PDZRN3: variants seen among roughly 807,000 people sequenced by gnomAD.
The protein encoded by PDZRN3 is E3 ubiquitin-protein ligase PDZRN3.
PDZRN3 carries 38 observed loss-of-function variants against 85.7 expected under a neutral mutation model. The observed-to-expected ratio is 0.44, with a 90% CI of 0.34 to 0.58. PDZRN3 has a LOEUF of 0.58. PDZRN3 is among the 20% of genes least tolerant of loss of function. The pLI is 0.01. For missense variants in PDZRN3, 1,629 were observed against 1,506.4 expected (o/e 1.08, Z -1.35); for synonymous variants, 759 against 638.0 (o/e 1.19, Z -2.86).
At chr3:73,600,867 CAAATTCCTGTTAGGG>C (rs1199550336) in intron 3 of PDZRN3, among the ~76,000 whole-genome samples, 1 of 152,190 alleles carries the variant, frequency 6.6e-6, no homozygotes. Context: ...CTTGCCCAAG[CAAATTCCTGTTAGGG>C]AAAATCCAGT....
Position 73,571,272 on chromosome 3 carries a change from C to G in PDZRN3, c.918+31082G>C, listed in dbSNP as rs140600084. 1.4e-3 allele frequency among the ~76,000 whole-genome samples: 214 copies of G among 152,140 alleles called. 6 individuals are homozygous for G. In the East Asian group the frequency reaches 0.037, roughly 27 times the overall value. On this transcript the variant is annotated intron_variant, in intron 3 of 9. Coordinates refer to ENST00000263666, the MANE Select transcript of PDZRN3 (RefSeq NM_015009.3). Reference sequence around the variant, plus strand: ...TTTGTATCCCTTTTTTCTCCATATCCAGTGGTGAGAACAGTGATTTATCAC... The same window carrying G: ...TTTGTATCCCTTTTTTCTCCATATCGAGTGGTGAGAACAGTGATTTATCAC...
chr3:73,383,990 T>A lies in PDZRN3; in HGVS notation c.2576A>T (p.Tyr859Phe). The A allele has an allele frequency of 6.3e-7, 1 of 1,590,844 alleles. No individual in the cohort carries two copies. Among genetic ancestry groups the A allele is most frequent in the South Asian group, 1.1e-5 (1 of 87,370 alleles). Residue 859 changes from tyrosine to phenylalanine, a missense_variant, in exon 10 of 10, where the codon TAC (tyrosine) becomes TTC (phenylalanine). By Grantham distance (22) the Tyr-to-Phe change is conservative. Transcript: ENST00000263666. ...TGGGGAGTGGTGATAGGAGGGCAGG[T>A]AGGCGCTGCCCAGCTTCTGGCTGGG... The part of the protein sequence containing the change: ...PTPSQKLGSA[Y>F]LPSYHHSPYK...
intron 3 of PDZRN3, among the ~76,000 whole-genome samples, chr3:73,582,586 C>T (rs560895783): frequency 5.0e-4 from 76 of 152,048 alleles, no homozygotes; most frequent in Non-Finnish European, 9.4e-4. Flanking sequence ...TACTTGTTCA[C>T]TCGAAGAGGC....
In PDZRN3 at chr3:73,383,146, C is replaced by CTGTT. The variant is rs940504199; in HGVS notation, c.*215_*218dup. On this transcript the variant is annotated 3_prime_UTR_variant, in exon 10 of 10. Transcript: ENST00000263666. ...GTACAATTGCTATTTGAAAAAAGCTCTGTTTGTTAATATTGCCTTCCAAGA... is the reference window on the plus strand; with the variant it reads ...GTACAATTGCTATTTGAAAAAAGCTCTGTTTGTTTGTTAATATTGCCTTCCAAGA... The CTGTT allele has an allele frequency of 1.3e-5, 6 of 473,544 alleles. No individual in the cohort carries two copies. Among genetic ancestry groups the CTGTT allele is most frequent in the East Asian group, 3.2e-5 (1 of 31,142 alleles). 29.3% of individuals were successfully genotyped at this position (473,544 alleles called of 1,614,324 possible).
chr3:73,385,892 TCCAAGAGTCATCAAAATGCAGTCTGC>T, intron 8 of PDZRN3, 107 bp from the exon 9 acceptor site: 1 of 692,522 alleles, frequency 1.4e-6, no homozygotes, highest in East Asian at 2.6e-5. Flanking sequence ...TAGGGCTTCC[TCCAAGAGTCATCAAAATGCAGTCTGC>T]CCAATGATTT....
In PDZRN3 at chr3:73,401,525, T is replaced by C. The variant is rs553084290; in HGVS notation, c.1167-516A>G. 1.4e-3 allele frequency among the ~76,000 whole-genome samples: 218 copies of C among 152,316 alleles called. 2 individuals carry two copies. The highest frequency in any genetic ancestry group is 5.0e-3 in the African/African-American group (208 of 41,566). ...ATGTTACCCACAATAATATGTTTGA[T>C]ATCACAAACGTACAGTATGCACTTA... On this transcript the variant is annotated intron_variant, in intron 4 of 9. Transcript: ENST00000263666.
chr3:73,471,988 A>G (rs1257332141), intron 3 of PDZRN3, among the ~76,000 whole-genome samples: 1 of 151,388 alleles, frequency 6.6e-6, no homozygotes, highest in Admixed American at 6.5e-5. Flanking sequence ...TACGGGGAAA[A>G]GACCAACAAA....
rs1426293122 is a variant in PDZRN3 at position 73,624,345 on chromosome 3, A to C, written c.481T>G (p.Cys161Gly). Residue 161 changes from cysteine to glycine, a missense_variant, in exon 1 of 10, where the codon TGC becomes GGC. Coordinates refer to ENST00000263666, the MANE Select transcript of PDZRN3 (RefSeq NM_015009.3). Reference protein sequence around the residue: ...THGEQRAGGHCCARALRAHNG... With the variant: ...THGEQRAGGHGCARALRAHNG... ...TGCGCCCGCAGCGCTCGCGCGCAGC[A>C]GTGGCCGCCCGCGCGCTGCTCGCCG... 7.7e-7 allele frequency: 1 copy of C among 1,303,256 alleles called. No homozygotes were observed. The highest frequency in any genetic ancestry group is 2.4e-5 in the South Asian group (1 of 42,422). 80.7% of individuals were successfully genotyped at this position (1,303,256 alleles called of 1,614,324 possible).
At chr3:73,502,077 T>C (rs13087058) in intron 3 of PDZRN3, among the ~76,000 whole-genome samples, 40,215 of 152,104 alleles carry the variant, frequency 0.26, 6,457 homozygotes, top group Non-Finnish European at 0.38. Flanking sequence ...TGAAGCTCCT[T>C]GAATTGCTGC....
chr3:73,427,449 C>T (rs539307121), intron 3 of PDZRN3, among the ~76,000 whole-genome samples: 1 of 152,024 alleles, frequency 6.6e-6, no homozygotes, highest in African/African-American at 2.4e-5. Flanking sequence ...CCCACCACCG[C>T]CCACATTTAA....
intron 3 of PDZRN3, among the ~76,000 whole-genome samples, chr3:73,563,334 C>T (rs1261411326): frequency 1.1e-4 from 17 of 151,468 alleles, no homozygotes; most frequent in South Asian, 2.1e-4. Context: ...TGTGCCCAGC[C>T]GCCAAATTAT....
At chr3:73,594,236 TTTTTA>T (rs1337791039) in intron 3 of PDZRN3, among the ~76,000 whole-genome samples, 1 of 152,194 alleles carries the variant, frequency 6.6e-6, no homozygotes, top group East Asian at 1.9e-4. Flanking sequence ...GGGCTATTTG[TTTTTA>T]ATTGGTCATC....
intron 3 of PDZRN3, among the ~76,000 whole-genome samples, chr3:73,415,055 T>G (rs1323842723): frequency 6.6e-6 from 1 of 152,204 alleles, no homozygotes. Flanking sequence ...AATGTCTCCA[T>G]GCTCAGCACA....
At chr3:73,402,251 C>CTTAAA (rs1159526334) in intron 4 of PDZRN3, among the ~76,000 whole-genome samples, 1 of 152,212 alleles carries the variant, frequency 6.6e-6, no homozygotes, top group Non-Finnish European at 1.5e-5. Context: ...AGGCCCATCA[C>CTTAAA]TGTGACAGGT....
At chr3:73,599,760 G>A (rs1260363955) in intron 3 of PDZRN3, among the ~76,000 whole-genome samples, 10 of 152,152 alleles carry the variant, frequency 6.6e-5, no homozygotes, top group Non-Finnish European at 1.0e-4. Flanking sequence ...CATTCATGGC[G>A]CCTGGGCCAC....
intron 3 of PDZRN3, among the ~76,000 whole-genome samples, chr3:73,442,266 A>AT (rs1485500310): frequency 6.6e-6 from 1 of 152,140 alleles, no homozygotes; most frequent in Non-Finnish European, 1.5e-5. Context: ...TGAACACTCG[A>AT]GACAGAGGGG....
chr3:73,395,058 T>C (rs1576030634), intron 5 of PDZRN3, among the ~76,000 whole-genome samples: 1 of 152,230 alleles, frequency 6.6e-6, no homozygotes, highest in Non-Finnish European at 1.5e-5. Context: ...CAAGGCAGGA[T>C]GATCCAAATG....
At chr3:73,576,023 C>T (rs1409282482) in intron 3 of PDZRN3, among the ~76,000 whole-genome samples, 1 of 152,048 alleles carries the variant, frequency 6.6e-6, no homozygotes, top group African/African-American at 2.4e-5. Flanking sequence ...AAAAATCAAG[C>T]GAAGTCATCT....
At chr3:73,556,541 A>G (rs1016421772) in intron 3 of PDZRN3, among the ~76,000 whole-genome samples, 1 of 152,178 alleles carries the variant, frequency 6.6e-6, no homozygotes, top group African/African-American at 2.4e-5. Flanking sequence ...GGACTTTAGG[A>G]TGCCAGGTAC....
Sources: gnomAD v4.1 joint callset for allele counts (sites outside exome capture counted in the v4.1 genomes callset) on GRCh38, gnomAD v4.1.1 for gene constraint, MANE v1.5 for transcripts, NCBI Gene and HGNC (gene_info 2026-07-23, HGNC 2026-07-21) for gene names.